Variants in YAF2 observed in about 807,000 individuals in gnomAD.
YAF2 encodes YY1 associated factor 2, also known as YY1-associated factor 2.
Under a neutral mutation model 20.1 loss-of-function variants are expected in YAF2, and 7 were observed. That is an observed-to-expected ratio of 0.35 (90% CI 0.20 to 0.65). The LOEUF is 0.65. YAF2 is among the 30% of genes least tolerant of loss of function. The pLI is 0.69. For missense variants in YAF2, 151 were observed against 219.2 expected (o/e 0.69, Z 1.96); for synonymous variants, 74 against 76.0 (o/e 0.97, Z 0.14).
chr12:42,221,497 T>TA (rs1296531933), intron 2 of YAF2, among the ~76,000 whole-genome samples: 1 of 152,136 alleles, frequency 6.6e-6, no homozygotes, highest in East Asian at 1.9e-4. Context: ...AGTTTGAAGT[T>TA]ATAGTAAGCT....
At chr12:42,195,811 G>C (rs1451263372) in intron 2 of YAF2, among the ~76,000 whole-genome samples, 2 of 152,198 alleles carry the variant, frequency 1.3e-5, no homozygotes, top group Non-Finnish European at 2.9e-5. Flanking sequence ...TACCTAAGCA[G>C]ATCCTACGGG....
intron 2 of YAF2, among the ~76,000 whole-genome samples, chr12:42,223,401 G>T (rs528899404): frequency 1.3e-5 from 2 of 151,926 alleles, no homozygotes; most frequent in East Asian, 3.9e-4. Flanking sequence ...GCTTTACCCA[G>T]CAATGAAGTG....
At chr12:42,202,624 T>C (rs1382879692) in intron 2 of YAF2, among the ~76,000 whole-genome samples, 1 of 152,212 alleles carries the variant, frequency 6.6e-6, no homozygotes, top group African/African-American at 2.4e-5. Context: ...AGTATTTCAA[T>C]CTAAATAGCA....
At chr12:42,212,465 T>C (rs1047441203) in intron 2 of YAF2, 8 of 448,028 alleles carry the variant, frequency 1.8e-5, no homozygotes, top group East Asian at 1.4e-4. Context: ...AAGAAACTTA[T>C]GATTTCATGA....
At chr12:42,212,425 C>T (rs2067238868) in intron 2 of YAF2, 3 of 445,654 alleles carry the variant, frequency 6.7e-6, no homozygotes, top group South Asian at 4.9e-5. Flanking sequence ...CCTTTACCAT[C>T]ATGCTTCTAA....
chr12:42,225,094 T>C (rs113062566), intron 2 of YAF2, among the ~76,000 whole-genome samples: 1 of 152,240 alleles, frequency 6.6e-6, no homozygotes, highest in Admixed American at 6.5e-5. Context: ...TACTATCTCA[T>C]TGTGGTTTGA....
At chr12:42,215,132 G>T (rs1159940657) in intron 2 of YAF2, among the ~76,000 whole-genome samples, 1 of 152,194 alleles carries the variant, frequency 6.6e-6, no homozygotes, top group Admixed American at 6.5e-5. Flanking sequence ...AATGAGTAAT[G>T]AAAATATTTT....
intron 3 of YAF2, chr12:42,161,224 A>C (rs2065792554): frequency 3.8e-6 from 1 of 266,074 alleles, no homozygotes; most frequent in South Asian, 5.1e-5. Flanking sequence ...GACACACACT[A>C]ATAAGGGTAT....
chr12:42,237,325 A>C (rs1291070008), intron 2 of YAF2: 9 of 952,510 alleles, frequency 9.4e-6, no homozygotes, highest in Non-Finnish European at 1.2e-5. Flanking sequence ...CATTACACCC[A>C]GCGATACGAA....
At chr12:42,175,538 A>C (rs2066160386) in intron 2 of YAF2, among the ~76,000 whole-genome samples, 1 of 151,476 alleles carries the variant, frequency 6.6e-6, no homozygotes, top group Non-Finnish European at 1.5e-5. Flanking sequence ...ATACCTCAAA[A>C]AAAAAAAAGC....
chr12:42,234,672 GA>G (rs1316615896), intron 2 of YAF2: 10 of 984,396 alleles, frequency 1.0e-5, no homozygotes, highest in East Asian at 1.1e-4. Context: ...ATTATTTAAA[GA>G]AAAAAAATTA....
chr12:42,209,026 A>G (rs1310012898), intron 2 of YAF2, among the ~76,000 whole-genome samples: 2 of 152,202 alleles, frequency 1.3e-5, no homozygotes, highest in Non-Finnish European at 2.9e-5. Flanking sequence ...GAGAGAAATG[A>G]GAAGCAAGAA....
At chr12:42,209,823 A>G (rs2067155218) in intron 2 of YAF2, among the ~76,000 whole-genome samples, 1 of 152,148 alleles carries the variant, frequency 6.6e-6, no homozygotes. Flanking sequence ...TTTGAGACAG[A>G]GTTTCGCTCT....
intron 2 of YAF2, chr12:42,199,325 T>C: frequency 1.6e-6 from 1 of 641,218 alleles, no homozygotes; most frequent in South Asian, 2.1e-5. Flanking sequence ...AACATAATAA[T>C]ATACTTTGTT....
At chr12:42,164,154 A>G (rs2065860548) in intron 2 of YAF2, among the ~76,000 whole-genome samples, 1 of 152,216 alleles carries the variant, frequency 6.6e-6, no homozygotes, top group South Asian at 2.1e-4. Context: ...ACTACAGTCC[A>G]TCATCTACTT....
chr12:42,230,955 T>G (rs746499677), intron 2 of YAF2, among the ~76,000 whole-genome samples: 8 of 152,152 alleles, frequency 5.3e-5, no homozygotes, highest in Admixed American at 5.2e-4. Flanking sequence ...AACTAGGATA[T>G]TAGTTATCAG....
At chr12:42,205,143 G>C (rs2067004179) in intron 2 of YAF2, among the ~76,000 whole-genome samples, 1 of 146,088 alleles carries the variant, frequency 6.8e-6, no homozygotes, top group African/African-American at 2.5e-5. Flanking sequence ...TTCTTGTATA[G>C]ACAAATTTGA....
intron 2 of YAF2, among the ~76,000 whole-genome samples, chr12:42,167,465 G>A (rs924431730): frequency 2.0e-5 from 3 of 152,138 alleles, no homozygotes; most frequent in Non-Finnish European, 4.4e-5. Context: ...CTTCTTTGAA[G>A]ACCTCAAGGA....
intron 2 of YAF2, among the ~76,000 whole-genome samples, chr12:42,202,104 T>C (rs1037055792): frequency 2.6e-5 from 4 of 151,630 alleles, no homozygotes; most frequent in South Asian, 2.1e-4. Flanking sequence ...AGATCTAGTT[T>C]CCCCCCCCAT....
Sources: gnomAD v4.1 joint callset for allele counts (sites outside exome capture counted in the v4.1 genomes callset) on GRCh38, gnomAD v4.1.1 for gene constraint, MANE v1.5 for transcripts, NCBI Gene and HGNC (gene_info 2026-07-23, HGNC 2026-07-21) for gene names.